The following VCPIP1 variants were observed in gnomAD, a reference collection of about 807,000 sequenced individuals.
The protein encoded by VCPIP1 is deubiquitinating protein VCPIP1.
VCPIP1 carries 8 observed loss-of-function variants against 85.0 expected under a neutral mutation model. The observed-to-expected ratio is 0.09, with a 90% confidence interval of 0.06 to 0.17. VCPIP1 has a LOEUF of 0.17. Ranked by LOEUF, VCPIP1 falls within the 10% of genes least tolerant of loss-of-function variation. VCPIP1 has a pLI of 1.00. For synonymous variants in VCPIP1, 543 were observed against 544.5 expected, an observed-to-expected ratio of 1.00 and a Z score of 0.04; for missense variants, 1,070 against 1,486.3, an observed-to-expected ratio of 0.72 and a Z score of 4.61.
At position 66,665,635 on chromosome 8, in the gene VCPIP1, T is replaced by A. The variant is rs1476376328; in HGVS notation, c.1324A>T (p.Arg442Trp). The change falls in exon 1 of 3, where the codon AGG becomes TGG. Residue 442 changes from arginine to tryptophan, a missense_variant. Physicochemically the swap from Arg to Trp is moderately radical, Grantham distance 101. Coordinates refer to ENST00000310421, the MANE Select transcript of VCPIP1 (RefSeq NM_025054.5). This position sits in a 1 kb window ranked among gnomAD's most constrained non-coding sequence, Gnocchi z 4.3. ...GGCTGAACTCCTATCACTCCAGTCC[T>A]TCTGTAGAAATACTGATGGACATCA... ...VADVHQYFYRRTGVIGVQPEE... is the reference protein window; with the variant it reads ...VADVHQYFYRWTGVIGVQPEE... The A allele has an allele frequency of 6.2e-7, 1 of 1,614,198 alleles. No homozygotes were observed. The highest frequency in any genetic ancestry group is 1.3e-5 in the African/African-American group (1 of 75,060).
chr8:66,638,970 C>CTCTA lies in VCPIP1; in HGVS notation c.2798-3599_2798-3598insTAGA. Among the ~76,000 whole-genome samples, 378 of 118,416 alleles carry CTCTA rather than the reference C, an allele frequency of 3.2e-3. 3 individuals carry two copies. The highest frequency in any genetic ancestry group is 5.9e-3 in the East Asian group (26 of 4,396). 77.7% of individuals were successfully genotyped at this position (118,416 alleles called of 152,430 possible). A position where few individuals can be genotyped will look rare whatever the true frequency, so the allele number is the denominator to read the frequency against. ...TCTCTCTCTCTCTCTCTCTCTCTCT[C>CTCTA]TATATATATATATATACATATATTT... On this transcript the variant is annotated intron_variant, in intron 2 of 2. Transcript: ENST00000310421.
At position 66,665,858 on chromosome 8, in the gene VCPIP1, G is replaced by A; in HGVS notation, c.1101C>T (p.Pro367=). 6.2e-7 allele frequency: 1 copy of A among 1,614,170 alleles called. No individual in the cohort carries two copies. Among genetic ancestry groups the A allele is most frequent in the East Asian group, 2.2e-5 (1 of 44,888 alleles). Residue 367 remains proline (P), a synonymous_variant, in exon 1 of 3, where the codon CCC becomes CCT. Coordinates refer to ENST00000310421, the MANE Select transcript of VCPIP1 (RefSeq NM_025054.5). This position sits in a 1 kb window ranked among gnomAD's most constrained non-coding sequence, Gnocchi z 4.3. The stretch of plus-strand genomic sequence containing the variant: ...TAGGAAGCAAATTCATAGGCAGTTT[G>A]GGCAAAGCAGCCCCTTTTATGCCTA... The part of the protein sequence containing the change: ...PLVGIKGAAL[P]KLPMNLLPKA...
Position 66,664,573 on chromosome 8 carries a change from T to C in VCPIP1, c.2386A>G (p.Thr796Ala), listed in dbSNP as rs1401415798. ...QSMVTLKSST[T>A]FFELQESIAR... ...ATACTTTCCTGAAGTTCAAAAAAGG[T>C]TGTTGAAGACTTAAGGGTAACCATG... Residue 796 changes from threonine to alanine, a missense_variant, in exon 1 of 3, where the codon ACC (threonine) becomes GCC (alanine). Physicochemically the swap from Thr to Ala is moderately conservative, Grantham distance 58. Transcript: ENST00000310421. 1 of 1,614,204 alleles carries C rather than the reference T, an allele frequency of 6.2e-7. No homozygotes were observed. The highest frequency in any genetic ancestry group is 1.7e-5 in the Admixed American group (1 of 60,020).
At chr8:66,659,047 C>A (rs1164415716) in intron 1 of VCPIP1, among the ~76,000 whole-genome samples, 1 of 152,006 alleles carries the variant, frequency 6.6e-6, no homozygotes, top group African/African-American at 2.4e-5. Context: ...TCTGTCCTTA[C>A]CTCTAGGAAA....
Position 66,634,673 on chromosome 8 carries a change from C to A in VCPIP1, c.3497G>T (p.Gly1166Val). 1.2e-6 allele frequency: 2 copies of A among 1,613,264 alleles called. No individual in the cohort carries two copies. The highest frequency in any genetic ancestry group is 1.3e-5 in the African/African-American group (1 of 74,248). Residue 1166 changes from glycine (G) to valine (V), a missense_variant, in exon 3 of 3, where the codon GGT becomes GTT. Physicochemically the swap from Gly to Val is moderately radical, Grantham distance 109. This residue lies in a region of VCPIP1 where 255 missense variants were observed against 289.5 expected (regional missense o/e 0.88). Transcript: ENST00000310421. ...TGTTTCTGTATTCAAATTTTCAGTA[C>A]CACCAGTTAAAGGAAAAGATTCAGG... ...GLPESFPLTG[G>V]TENLNTETTD... is the part of the protein sequence containing the mutation.
chr8:66,666,488 C>A lies in VCPIP1; in HGVS notation c.471G>T (p.Leu157=), dbSNP rs1306566153. The change falls in exon 1 of 3, where the codon CTG becomes CTT. Residue 157 remains leucine (L), a synonymous_variant. Coordinates refer to ENST00000310421, the MANE Select transcript of VCPIP1 (RefSeq NM_025054.5). The surrounding 1 kb of genome is among the most constrained non-coding windows in gnomAD (Gnocchi z 6.3). ...KLLRDMNQGE[L]FDCALLGDRA... is the part of the protein sequence containing the mutation. Reference sequence around the variant, plus strand: ...GGTCACCCAGTAAGGCGCAATCGAACAGTTCGCCCTGGTTCATGTCCCGGA... The same window carrying A: ...GGTCACCCAGTAAGGCGCAATCGAAAAGTTCGCCCTGGTTCATGTCCCGGA... 6.2e-7 allele frequency: 1 copy of A among 1,614,088 alleles called. No homozygotes were observed. The highest frequency in any genetic ancestry group is 8.5e-7 in the Non-Finnish European group (1 of 1,180,038).
intron 2 of VCPIP1, among the ~76,000 whole-genome samples, chr8:66,647,158 T>A (rs962906990): frequency 6.6e-6 from 1 of 152,078 alleles, no homozygotes; most frequent in African/African-American, 2.4e-5. Flanking sequence ...CTAGCCAAGA[T>A]GGTGAAACCC....
intron 1 of VCPIP1, among the ~76,000 whole-genome samples, chr8:66,660,116 T>C (rs1440315808): frequency 1.3e-5 from 2 of 152,166 alleles, no homozygotes; most frequent in Non-Finnish European, 2.9e-5. Flanking sequence ...GGTAAGTTAA[T>C]GGAGGGCAAG....
At position 66,665,414 on chromosome 8, in the gene VCPIP1, C is replaced by T. The variant is rs775798719; in HGVS notation, c.1545G>A (p.Leu515=). 1.9e-6 allele frequency: 3 copies of T among 1,614,046 alleles called. No individual in the cohort carries two copies. In the African/African-American group the frequency reaches 4.0e-5, roughly 22 times the overall value. The stretch of plus-strand genomic sequence containing the variant: ...CTTTCACTGAATCATATGAGCAAAC[C>T]AAATTGTTCAAGGGAAAGCTGTAAT... ...DKNYSFPLNN[L]VCSYDSVKDV... Residue 515 remains leucine (L), a synonymous_variant, in exon 1 of 3, where the codon TTG becomes TTA. Transcript: ENST00000310421. The surrounding 1 kb of genome is among the most constrained non-coding windows in gnomAD (Gnocchi z 4.3).
rs1811186101 is a variant in VCPIP1, at chr8:66,664,393, C to CAGA, written c.2565_2566insTCT (p.Ala855_Glu856insSer). 6.2e-7 allele frequency: 1 copy of CAGA among 1,613,874 alleles called. No individual in the cohort carries two copies. Among genetic ancestry groups the CAGA allele is most frequent in the Non-Finnish European group, 8.5e-7 (1 of 1,179,730 alleles). Reference sequence around the variant, plus strand: ...TGTGCTGCAGCAGACTGACCACCTTCAGCTTTACTTTTTAGAATTTCTATT... The same window carrying CAGA: ...TGTGCTGCAGCAGACTGACCACCTTCAGAAGCTTTACTTTTTAGAATTTCTATT... On this transcript the variant is annotated inframe_insertion, in exon 1 of 3. Coordinates refer to ENST00000310421, the MANE Select transcript of VCPIP1 (RefSeq NM_025054.5).
In VCPIP1 at chr8:66,666,621, T is replaced by G; in HGVS notation, c.338A>C (p.Asn113Thr). The G allele has an allele frequency of 6.2e-7, 1 of 1,614,172 alleles. No individual in the cohort carries two copies. The highest frequency in any genetic ancestry group is 8.5e-7 in the Non-Finnish European group (1 of 1,180,034). ...GCCCATCACCTTTACCAGTTCCGTG[T>G]TCTTCTTGGGTGCCCCCGTAACCCC... is the stretch of plus-strand genomic sequence containing the variant. ...LLGVTGAPKK[N>T]TELVKVMGLS... The change falls in exon 1 of 3, where the codon AAC becomes ACC. Residue 113 changes from asparagine (N) to threonine (T), a missense_variant. Transcript: ENST00000310421. This position sits in a 1 kb window ranked among gnomAD's most constrained non-coding sequence, Gnocchi z 6.3.
intron 1 of VCPIP1, among the ~76,000 whole-genome samples, chr8:66,657,356 T>C (rs1013372429): frequency 4.6e-5 from 7 of 152,178 alleles, no homozygotes; most frequent in Non-Finnish European, 1.0e-4. Context: ...TGGTTCCAAA[T>C]ATAAAGTAGG....
At chr8:66,655,840 C>T (rs1260376049) in intron 1 of VCPIP1, among the ~76,000 whole-genome samples, 4 of 151,950 alleles carry the variant, frequency 2.6e-5, no homozygotes, top group African/African-American at 9.7e-5. Context: ...TCAACTGTTT[C>T]TTCATACTAC....
At chr8:66,635,398 A>G (rs768512915) in intron 2 of VCPIP1, 26 bp from the exon 3 acceptor site, 2 of 1,564,092 alleles carry the variant, frequency 1.3e-6, no homozygotes, top group Non-Finnish European at 1.7e-6. Context: ...GATATTTAAC[A>G]TATTAAAATC....
Position 66,663,114 on chromosome 8 carries a change from GA to G in VCPIP1, c.2710+1134del, listed in dbSNP as rs1412079599. ...GCAAGACTCCATCTCAAAAAAAAAA[GA>G]AAAAAAAAAAAGAAATATATAAAGT... On this transcript the variant is annotated intron_variant, in intron 1 of 2. Coordinates refer to ENST00000310421, the MANE Select transcript of VCPIP1 (RefSeq NM_025054.5). Among the ~76,000 whole-genome samples the G allele has an allele frequency of 2.1e-3, 253 of 121,678 alleles. 1 individual carries two copies. The highest frequency in any genetic ancestry group is 8.8e-3 in the Middle Eastern group (2 of 228). The allele number at this position is 121,678 out of a possible 152,430, so 79.8% of individuals were successfully genotyped here. A position where few individuals can be genotyped will look rare whatever the true frequency, so the allele number is the denominator to read the frequency against.
In VCPIP1 at chr8:66,628,939, G is replaced by T. The variant is rs1273326748; in HGVS notation, c.*5562C>A. 1 of 152,208 alleles carries T rather than the reference G, an allele frequency of 6.6e-6. No homozygotes were observed. The highest frequency in any genetic ancestry group is 2.4e-5 in the African/African-American group (1 of 41,454). The allele number at this position is 152,208 out of a possible 1,614,324, so 9.4% of individuals were successfully genotyped here. On this transcript the variant is annotated 3_prime_UTR_variant, in exon 3 of 3. Coordinates refer to ENST00000310421, the MANE Select transcript of VCPIP1 (RefSeq NM_025054.5). ...GTCACAGAGCACACTGTCGGTTTGA[G>T]ATTCTCAGTGTTGCACATGGTCATA...
chr8:66,648,526 A>ATCT (rs1811018318), intron 2 of VCPIP1, among the ~76,000 whole-genome samples: 2 of 144,542 alleles, frequency 1.4e-5, no homozygotes, highest in African/African-American at 5.1e-5. Context: ...CTATGTATCT[A>ATCT]ATCTATCTAT....
At position 66,631,134 on chromosome 8, in the gene VCPIP1, G is replaced by A. The variant is rs1810830725; in HGVS notation, c.*3367C>T. On this transcript the variant is annotated 3_prime_UTR_variant, in exon 3 of 3. Coordinates refer to ENST00000310421, the MANE Select transcript of VCPIP1 (RefSeq NM_025054.5). Reference sequence around the variant, plus strand: ...GGCTTTGTGTTTATAAAAATCTTAAGATGGAAACCTTGCTTTGAGAACCAT... The same window carrying A: ...GGCTTTGTGTTTATAAAAATCTTAAAATGGAAACCTTGCTTTGAGAACCAT... 1 of 152,086 alleles carries A rather than the reference G, an allele frequency of 6.6e-6. No homozygotes were observed. Among genetic ancestry groups the A allele is most frequent in the Non-Finnish European group, 1.5e-5 (1 of 67,972 alleles). 9.4% of individuals were successfully genotyped at this position (152,086 alleles called of 1,614,324 possible). A position where few individuals can be genotyped will look rare whatever the true frequency, so the allele number is the denominator to read the frequency against.
chr8:66,646,344 A>G lies in VCPIP1; in HGVS notation c.2797+5114T>C, dbSNP rs74363039. 3.2e-3 allele frequency among the ~76,000 whole-genome samples: 481 copies of G among 152,222 alleles called. 3 individuals are homozygous for G. The highest frequency in any genetic ancestry group is 8.1e-3 in the South Asian group (39 of 4,816). On this transcript the variant is annotated intron_variant, in intron 2 of 2. Transcript: ENST00000310421. ...TGCCTCGGCCTCCCAAAGTGCTGGGATAACAGGCCACTGTGCCTGGCCCAA... is the reference window on the plus strand; with the variant it reads ...TGCCTCGGCCTCCCAAAGTGCTGGGGTAACAGGCCACTGTGCCTGGCCCAA...
Sources: allele counts gnomAD v4.1 joint callset (sites outside exome capture counted in the v4.1 genomes callset), GRCh38; gene constraint gnomAD v4.1.1; regional missense constraint gnomAD v4.1.1; non-coding constraint Gnocchi (gnomAD v3.1); transcripts MANE v1.5; gene names NCBI Gene and HGNC (gene_info 2026-07-23, HGNC 2026-07-21).